EPB41L4A: variants seen among roughly 807,000 people sequenced by gnomAD.
The protein encoded by EPB41L4A is erythrocyte membrane protein band 4.1 like 4A.
A neutral mutation model predicts 108.6 loss-of-function variants in EPB41L4A; 100 were observed. That is an observed-to-expected ratio of 0.92 (90% CI 0.78 to 1.09). EPB41L4A has a LOEUF of 1.09. Ranked by LOEUF, EPB41L4A falls within the 50% of genes least tolerant of loss-of-function variation. The pLI is 0.00. For missense variants in EPB41L4A, 1,030 were observed against 842.7 expected (o/e 1.22, Z -2.75); for synonymous variants, 319 against 289.0 (o/e 1.10, Z -1.05).
At chr5:112,282,326 G>A (rs893912448) in intron 2 of EPB41L4A, among the ~76,000 whole-genome samples, 1 of 152,146 alleles carries the variant, frequency 6.6e-6, no homozygotes, top group African/African-American at 2.4e-5. Flanking sequence ...ACTGTTTCTT[G>A]CCATTCATGT....
intron 10 of EPB41L4A, 148 bp from the exon 11 acceptor site, chr5:112,239,885 G>C: frequency 2.1e-6 from 1 of 466,712 alleles, no homozygotes; most frequent in African/African-American, 2.0e-5. Context: ...ACTCCATGAG[G>C]ATGAAACAGG....
At position 112,209,963 on chromosome 5, in the gene EPB41L4A, C is replaced by A. The variant is rs1408888270; in HGVS notation, c.1107G>T (p.Arg369Ser). ...CTCCATTTTCCATGTTTGCAGTTAT[C>A]CTACTGATGCTGTTTGATTCTAGCA... is the stretch of plus-strand genomic sequence containing the variant. The part of the protein sequence containing the change: ...TQPAESNSIS[R>S]ITANMENGEN... Residue 369 changes from arginine to serine, a missense_variant, in exon 13 of 23, where the codon AGG becomes AGT. By Grantham distance (110) the Arg-to-Ser change is moderately radical. Transcript: ENST00000261486. 7 of 1,599,896 alleles carry A rather than the reference C, an allele frequency of 4.4e-6. No homozygotes were observed. The highest frequency in any genetic ancestry group is 5.1e-6 in the Non-Finnish European group (6 of 1,168,558).
At chr5:112,223,251 C>A (rs1318859593) in intron 12 of EPB41L4A, among the ~76,000 whole-genome samples, 1 of 152,006 alleles carries the variant, frequency 6.6e-6, no homozygotes, top group Non-Finnish European at 1.5e-5. Context: ...AAAGTAGTTT[C>A]TTTCTTCTTT....
chr5:112,201,845 TAC>T (rs1561470717), intron 15 of EPB41L4A, among the ~76,000 whole-genome samples: 1 of 152,208 alleles, frequency 6.6e-6, no homozygotes. Context: ...TTTTCAGATG[TAC>T]AGGCTGGGAT....
intron 1 of EPB41L4A, among the ~76,000 whole-genome samples, chr5:112,362,643 C>A: frequency 6.6e-6 from 1 of 152,082 alleles, no homozygotes; most frequent in East Asian, 1.9e-4. Context: ...AATAGCAATT[C>A]CATAAAAGTT....
chr5:112,366,299 A>AC (rs1266842988), intron 1 of EPB41L4A, among the ~76,000 whole-genome samples: 1 of 150,992 alleles, frequency 6.6e-6, no homozygotes, highest in Non-Finnish European at 1.5e-5. Context: ...CATTTTTAGA[A>AC]AAAAAAAAAG....
intron 1 of EPB41L4A, among the ~76,000 whole-genome samples, chr5:112,316,315 C>T (rs560230992): frequency 1.3e-5 from 2 of 152,298 alleles, no homozygotes; most frequent in African/African-American, 2.4e-5. Flanking sequence ...ATTCTTATAA[C>T]GTTATGCCTT....
intron 12 of EPB41L4A, among the ~76,000 whole-genome samples, chr5:112,153,442 T>C (rs376285652): frequency 6.7e-6 from 1 of 148,908 alleles, no homozygotes; most frequent in Non-Finnish European, 1.5e-5. Flanking sequence ...GGCAGGAGAA[T>C]TGCTTGAACC....
chr5:112,254,370 CTT>C (rs1386676041), intron 9 of EPB41L4A, among the ~76,000 whole-genome samples: 2 of 152,130 alleles, frequency 1.3e-5, no homozygotes, highest in Admixed American at 1.3e-4. Flanking sequence ...TGAGTCCCCT[CTT>C]GTCTCCCCTT....
intron 1 of EPB41L4A, among the ~76,000 whole-genome samples, chr5:112,322,210 T>C (rs1486381621): frequency 1.3e-5 from 2 of 152,198 alleles, no homozygotes; most frequent in Non-Finnish European, 2.9e-5. Flanking sequence ...TATTTAACCA[T>C]GATAGCAATT....
At chr5:112,333,799 C>A (rs1191258143) in intron 1 of EPB41L4A, among the ~76,000 whole-genome samples, 1 of 152,218 alleles carries the variant, frequency 6.6e-6, no homozygotes, top group African/African-American at 2.4e-5. Flanking sequence ...GGAGGGATAT[C>A]ACATTGAATT....
intron 1 of EPB41L4A, among the ~76,000 whole-genome samples, chr5:112,373,405 G>C (rs1048905164): frequency 6.6e-6 from 1 of 152,194 alleles, no homozygotes; most frequent in African/African-American, 2.4e-5. Flanking sequence ...CTCTGGTATG[G>C]TTTCCTCTCT....
Position 112,224,953 on chromosome 5 carries a change from A to T in EPB41L4A, c.1087+9681T>A, listed in dbSNP as rs115901768. ...GTCTTGTTCTAACCCTTTTGTATGAAAATTTATACTAACTTCTTCCTTTTT... is the reference window on the plus strand; with the variant it reads ...GTCTTGTTCTAACCCTTTTGTATGATAATTTATACTAACTTCTTCCTTTTT... On this transcript the variant is annotated intron_variant, in intron 12 of 22. Coordinates refer to ENST00000261486, the MANE Select transcript of EPB41L4A (RefSeq NM_022140.5). Among the ~76,000 whole-genome samples, 931 of 152,352 alleles carry T rather than the reference A, an allele frequency of 6.1e-3. 4 individuals are homozygous for T. Among genetic ancestry groups the T allele is most frequent in the Middle Eastern group, 0.014 (4 of 294 alleles).
At position 112,418,817 on chromosome 5, in the gene EPB41L4A, TCTC is replaced by T. The variant is rs137958476; in HGVS notation, c.99+121_99+123del. The T allele has an allele frequency of 2.4e-3, 1,626 of 669,302 alleles. 7 individuals carry two copies. The highest frequency in any genetic ancestry group is 3.3e-3 in the Non-Finnish European group (1,254 of 379,724). 41.5% of individuals were successfully genotyped at this position (669,302 alleles called of 1,614,324 possible). ...TCCCTGCGCGCAGGGGACAGCGGCC[TCTC>T]CTCCCCACCGCGCAGAGTCGCGGCC... On this transcript the variant is annotated intron_variant, in intron 1 of 22. Transcript: ENST00000261486.
intron 9 of EPB41L4A, chr5:112,249,231 T>G (rs892426039): frequency 1.7e-4 from 26 of 152,198 alleles, no homozygotes; most frequent in African/African-American, 5.5e-4. Context: ...GTGAGATTTT[T>G]GCTTTTTTCT....
intron 1 of EPB41L4A, among the ~76,000 whole-genome samples, chr5:112,341,560 T>TA (rs1191984303): frequency 6.6e-5 from 10 of 152,124 alleles, no homozygotes; most frequent in Admixed American, 6.5e-5. Context: ...GATGAACCAT[T>TA]AAAAACATCT....
intron 1 of EPB41L4A, among the ~76,000 whole-genome samples, chr5:112,327,720 A>AAAAAAAAG (rs1680365634): frequency 6.6e-6 from 1 of 152,124 alleles, no homozygotes; most frequent in Admixed American, 6.5e-5. Context: ...CCTGTCTCAA[A>AAAAAAAAG]AAAAAAAGAA....
chr5:112,177,415 T>C (rs771455231), intron 18 of EPB41L4A, among the ~76,000 whole-genome samples: 25 of 152,218 alleles, frequency 1.6e-4, no homozygotes, highest in Admixed American at 3.3e-4. Context: ...CAGGATAATA[T>C]CTCTGGGTGA....
At chr5:112,385,654 T>G (rs1367003820) in intron 1 of EPB41L4A, among the ~76,000 whole-genome samples, 1 of 152,182 alleles carries the variant, frequency 6.6e-6, no homozygotes, top group South Asian at 2.1e-4. Flanking sequence ...TCAGAAGAGA[T>G]AGCCTCAAAT....
Sources: allele counts gnomAD v4.1 joint callset (sites outside exome capture counted in the v4.1 genomes callset), GRCh38; gene constraint gnomAD v4.1.1; transcripts MANE v1.5; gene names NCBI Gene and HGNC (gene_info 2026-07-23, HGNC 2026-07-21).